Variants in MYH9 observed in about 807,000 individuals in gnomAD.
MYH9 encodes myosin-9.
MYH9 carries 29 observed loss-of-function variants against 241.9 expected under a neutral mutation model. The observed-to-expected ratio is 0.12, with a 90% confidence interval of 0.09 to 0.16. MYH9 has a LOEUF of 0.16. MYH9 is among the 10% of genes least tolerant of loss of function. The probability of loss-of-function intolerance (pLI) is 1.00; values close to 1 mark genes in which losing one functional copy is unlikely to be tolerated. For synonymous variants in MYH9, 1,047 were observed against 1,062.6 expected, an observed-to-expected ratio of 0.99 and a Z score of 0.29; for missense variants, 1,803 against 2,595.5, an observed-to-expected ratio of 0.69 and a Z score of 6.63.
chr22:36,307,369 A>T (rs571845080), intron 15 of MYH9, among the ~76,000 whole-genome samples: 2 of 152,350 alleles, frequency 1.3e-5, no homozygotes, highest in African/African-American at 4.8e-5. Flanking sequence ...AAAAACAAAC[A>T]AACAAGCCAA....
In MYH9 at chr22:36,320,281, G is replaced by A. The variant is rs2017229381; in HGVS notation, c.951C>T (p.Asp317=). Residue 317 remains aspartate, a synonymous_variant, in exon 9 of 41, where the codon GAC becomes GAT. Transcript: ENST00000216181. The surrounding 1 kb of genome is among the most constrained non-coding windows in gnomAD (Gnocchi z 4.8). The part of the protein sequence containing the change: ...HVTIPGQQDK[D]MFQETMEAMR... ...TGGCCTCCATGGTCTCCTGGAACAT[G>A]TCCTTGTCCTGCTGCCCGGGGATGG... The A allele has an allele frequency of 6.2e-7, 1 of 1,614,244 alleles. No individual in the cohort carries two copies. The highest frequency in any genetic ancestry group is 8.5e-7 in the Non-Finnish European group (1 of 1,180,042).
At chr22:36,302,947 G>C (rs909301667) in intron 19 of MYH9, among the ~76,000 whole-genome samples, 1 of 152,206 alleles carries the variant, frequency 6.6e-6, no homozygotes, top group Admixed American at 6.5e-5. Context: ...GTGAAGGCAC[G>C]TGTGAAGTAA....
In MYH9 at chr22:36,305,986, G is replaced by C. The variant is rs560395577; in HGVS notation, c.2103C>G (p.Ile701Met). Residue 701 changes from isoleucine to methionine, a missense_variant, in exon 17 of 41, where the codon ATC becomes ATG. Ile to Met is a conservative substitution (Grantham distance 10, BLOSUM62 1). This residue lies in a region of MYH9 where 163 missense variants were observed against 349.7 expected (regional missense o/e 0.47). Transcript: ENST00000216181. This position sits in a 1 kb window ranked among gnomAD's most constrained non-coding sequence, Gnocchi z 4.7. ...TGGGGAAGCCCTGGCGGCAGATACG[G>C]ATGCCCTCGAGAACACCGTTGCAGC... is the stretch of plus-strand genomic sequence containing the variant. ...QLRCNGVLEG[I>M]RICRQGFPNR... 6.2e-7 allele frequency: 1 copy of C among 1,613,544 alleles called. No individual in the cohort carries two copies. The highest frequency in any genetic ancestry group is 1.7e-5 in the Admixed American group (1 of 60,028).
chr22:36,386,714 C>A (rs79013767), intron 1 of MYH9, among the ~76,000 whole-genome samples: 2,724 of 152,268 alleles, frequency 0.018, 34 homozygotes, highest in Non-Finnish European at 0.028. Context: ...CCCTGCCCCC[C>A]ACCACAGGAC....
chr22:36,319,492 G>T, intron 10 of MYH9, 48 bp downstream of exon 10: 1 of 1,571,910 alleles, frequency 6.4e-7, no homozygotes, highest in South Asian at 1.1e-5. Context: ...GCAAATCCAT[G>T]GCCAAGCACC....
At chr22:36,353,878 A>G (rs1485120078) in intron 1 of MYH9, among the ~76,000 whole-genome samples, 1 of 151,912 alleles carries the variant, frequency 6.6e-6, no homozygotes, top group East Asian at 1.9e-4. Flanking sequence ...TACTGTGACT[A>G]TTTTCCTGTA....
intron 35 of MYH9, 141 bp downstream of exon 35, chr22:36,286,577 A>C: frequency 3.4e-6 from 4 of 1,173,814 alleles, no homozygotes; most frequent in Non-Finnish European, 4.9e-6. Context: ...CCTGGAGGGA[A>C]TCCTTATGTA....
At position 36,329,304 on chromosome 22, in the gene MYH9, C is replaced by T. The variant is rs765742438; in HGVS notation, c.491-1816G>A. ...ACACGAGTCCTTCAAGCCTGCACAG[C>T]GAGGACAGAGATTAGAGACCTGCAT... On this transcript the variant is annotated intron_variant, in intron 3 of 40. Coordinates refer to ENST00000216181, the MANE Select transcript of MYH9 (RefSeq NM_002473.6). The surrounding 1 kb of genome is among the most constrained non-coding windows in gnomAD (Gnocchi z 4.1). 3.3e-5 allele frequency among the ~76,000 whole-genome samples: 5 copies of T among 152,152 alleles called. No individual in the cohort carries two copies. Among genetic ancestry groups the T allele is most frequent in the East Asian group, 1.9e-4 (1 of 5,202 alleles).
chr22:36,378,540 G>A (rs1006019230), intron 1 of MYH9, among the ~76,000 whole-genome samples: 1 of 152,160 alleles, frequency 6.6e-6, no homozygotes, highest in African/African-American at 2.4e-5. Context: ...AGGGCTGGCT[G>A]AGGACAGTGG....
At position 36,285,236 on chromosome 22, in the gene MYH9, G is replaced by A; in HGVS notation, c.5368C>T (p.Leu1790Phe). The change falls in exon 38 of 41, where the codon CTT becomes TTT. Residue 1790 changes from leucine to phenylalanine, a missense_variant. Leu to Phe is a conservative substitution (Grantham distance 22). This residue lies in a region of MYH9 where 876 missense variants were observed against 1,077.8 expected (regional missense o/e 0.81). Transcript: ENST00000216181. This position sits in a 1 kb window ranked among gnomAD's most constrained non-coding sequence, Gnocchi z 7.0. ...RQQLERQNKE[L>F]KVKLQEMEGT... ...TCCATCTCCTGCAGCTTGACCTTAAGCTCCTTGTTCTGGCGTTCCAGCTGC... is the reference window on the plus strand; with the variant it reads ...TCCATCTCCTGCAGCTTGACCTTAAACTCCTTGTTCTGGCGTTCCAGCTGC... The A allele has an allele frequency of 1.9e-6, 3 of 1,614,208 alleles. No individual in the cohort carries two copies. The highest frequency in any genetic ancestry group is 2.5e-6 in the Non-Finnish European group (3 of 1,180,040).
In MYH9 at chr22:36,309,317, G is replaced by T; in HGVS notation, c.1808C>A (p.Ser603Tyr). The part of the protein sequence containing the change: ...NDNIATLLHQ[S>Y]SDKFVSELWK... Reference sequence around the variant, plus strand: ...CAGCTCCGAGACAAACTTGTCAGAGGACTGGTGGAGCAGTGTGGCGATGTT... The same window carrying T: ...CAGCTCCGAGACAAACTTGTCAGAGTACTGGTGGAGCAGTGTGGCGATGTT... The change falls in exon 15 of 41, where the codon TCC becomes TAC. Residue 603 changes from serine to tyrosine, a missense_variant. Physicochemically the swap from Ser to Tyr is moderately radical, Grantham distance 144 (BLOSUM62 -2). Coordinates refer to ENST00000216181, the MANE Select transcript of MYH9 (RefSeq NM_002473.6). 6.2e-7 allele frequency: 1 copy of T among 1,614,216 alleles called. No homozygotes were observed. Among genetic ancestry groups the T allele is most frequent in the South Asian group, 1.1e-5 (1 of 91,086 alleles).
chr22:36,294,794 C>A (rs2016762610), intron 27 of MYH9, 138 bp downstream of exon 27: 1 of 1,138,452 alleles, frequency 8.8e-7, no homozygotes, highest in East Asian at 2.4e-5. Context: ...GTCACAAAGC[C>A]CCTTAGAAGG....
At position 36,320,586 on chromosome 22, in the gene MYH9, A is replaced by G. The variant is rs569181603; in HGVS notation, c.868+212T>C. On this transcript the variant is annotated intron_variant, in intron 8 of 40. Transcript: ENST00000216181. The surrounding 1 kb of genome is among the most constrained non-coding windows in gnomAD (Gnocchi z 4.8). Reference sequence around the variant, plus strand: ...GCGCCAGGTCCTGTGATTTGCAGCTACATGTGCAACCCACCCTAGCTTTTC... The same window carrying G: ...GCGCCAGGTCCTGTGATTTGCAGCTGCATGTGCAACCCACCCTAGCTTTTC... 1.3e-5 allele frequency among the ~76,000 whole-genome samples: 2 copies of G among 152,324 alleles called. No individual in the cohort carries two copies. Among genetic ancestry groups the G allele is most frequent in the South Asian group, 2.1e-4 (1 of 4,830 alleles).
In MYH9 at chr22:36,320,712, T is replaced by C. The variant is rs2017236227; in HGVS notation, c.868+86A>G. The C allele has an allele frequency of 8.2e-7, 1 of 1,221,380 alleles. No homozygotes were observed. The highest frequency in any genetic ancestry group is 1.2e-6 in the Non-Finnish European group (1 of 840,494). The allele number at this position is 1,221,380 out of a possible 1,614,324, so 75.7% of individuals were successfully genotyped here. Reference sequence around the variant, plus strand: ...TTAAACCCAAGGCCAAAAGTTTTCATTTCCCAAATGATGTCTACGGTCCAA... The same window carrying C: ...TTAAACCCAAGGCCAAAAGTTTTCACTTCCCAAATGATGTCTACGGTCCAA... On this transcript the variant is annotated intron_variant, in intron 8 of 40. Transcript: ENST00000216181. The surrounding 1 kb of genome is among the most constrained non-coding windows in gnomAD (Gnocchi z 4.8).
rs2016631268 is a variant in MYH9, at chr22:36,288,665, G to A, written c.4770+62C>T. The A allele has an allele frequency of 3.2e-6, 5 of 1,579,056 alleles. No homozygotes were observed. The highest frequency in any genetic ancestry group is 4.3e-6 in the Non-Finnish European group (5 of 1,162,012). ...ACAATCCAGGTGGAAGGAGAGAACA[G>A]AAGCCTGCGTGAAGCCAAGGCAGCC... On this transcript the variant is annotated intron_variant, in intron 33 of 40. Coordinates refer to ENST00000216181, the MANE Select transcript of MYH9 (RefSeq NM_002473.6). The surrounding 1 kb of genome is among the most constrained non-coding windows in gnomAD (Gnocchi z 4.8).
At chr22:36,286,538 T>C (rs1043050218) in intron 35 of MYH9, among the ~76,000 whole-genome samples, 180 bp downstream of exon 35, 4 of 152,156 alleles carry the variant, frequency 2.6e-5, no homozygotes, top group East Asian at 1.9e-4. Flanking sequence ...ACTCTGATCA[T>C]ACGAGGGAGC....
At chr22:36,333,625 T>C (rs1286531612) in intron 3 of MYH9, among the ~76,000 whole-genome samples, 1 of 152,230 alleles carries the variant, frequency 6.6e-6, no homozygotes, top group African/African-American at 2.4e-5. Flanking sequence ...AATCCCAACT[T>C]TTATACCTGC....
In MYH9 at chr22:36,306,035, G is replaced by T. The variant is rs779853972; in HGVS notation, c.2054C>A (p.Pro685Gln). The T allele has an allele frequency of 6.2e-6, 10 of 1,613,132 alleles. No individual in the cohort carries two copies. In the African/African-American group the frequency reaches 1.3e-4, roughly 22 times the overall value. Residue 685 changes from proline to glutamine, a missense_variant, in exon 17 of 41, where the codon CCG becomes CAG. Coordinates refer to ENST00000216181, the MANE Select transcript of MYH9 (RefSeq NM_002473.6). The surrounding 1 kb of genome is among the most constrained non-coding windows in gnomAD (Gnocchi z 4.1). Reference protein sequence around the residue: ...NHEKKAGKLDPHLVLDQLRCN... With the variant: ...NHEKKAGKLDQHLVLDQLRCN... ...GCGCAGCTGGTCCAGCACGAGATGC[G>T]GGTCCAGCTTGCCGGCCTGGAGAAG...
At chr22:36,379,965 A>T in intron 1 of MYH9, among the ~76,000 whole-genome samples, 1 of 152,234 alleles carries the variant, frequency 6.6e-6, no homozygotes, top group Non-Finnish European at 1.5e-5. Flanking sequence ...CATGCATCAG[A>T]GTGGGCAGCT....
Sources: gnomAD v4.1 joint callset for allele counts (sites outside exome capture counted in the v4.1 genomes callset) on GRCh38, gnomAD v4.1.1 for gene constraint, gnomAD v4.1.1 regional missense constraint, Gnocchi (gnomAD v3.1) non-coding constraint, MANE v1.5 for transcripts, NCBI Gene and HGNC (gene_info 2026-07-23, HGNC 2026-07-21) for gene names.